SVIL: variants seen among roughly 807,000 people sequenced by gnomAD.
The protein encoded by SVIL is archvillin.
Under a neutral mutation model 240.4 loss-of-function variants are expected in SVIL, and 101 were observed. The observed-to-expected ratio is 0.42, with a 90% CI of 0.36 to 0.50. The LOEUF (loss-of-function observed/expected upper bound fraction) is 0.50, where lower values mean the gene tolerates loss of function less well. Ranked by LOEUF, SVIL falls within the 20% of genes least tolerant of loss-of-function variation. The pLI is 0.01. For synonymous variants in SVIL, 999 were observed against 1,100.0 expected, an observed-to-expected ratio of 0.91 and a Z score of 1.82; for missense variants, 2,512 against 2,818.7, an observed-to-expected ratio of 0.89 and a Z score of 2.46.
At chr10:29,551,289 G>A in intron 5 of SVIL, 26 bp from the exon 6 acceptor site, 1 of 1,547,752 alleles carries the variant, frequency 6.5e-7, no homozygotes. Context: ...ATGGATGAGA[G>A]GTGCAGATTT....
At chr10:29,577,500 A>C (rs1255748178) in intron 1 of SVIL, among the ~76,000 whole-genome samples, 1 of 152,324 alleles carries the variant, frequency 6.6e-6, no homozygotes, top group East Asian at 1.9e-4. Flanking sequence ...AGGTTCTTGC[A>C]ACAGACATTA....
chr10:29,501,255 C>T (rs554430858), intron 17 of SVIL, among the ~76,000 whole-genome samples: 47 of 151,028 alleles, frequency 3.1e-4, no homozygotes, highest in Non-Finnish European at 5.8e-4. Flanking sequence ...TTAAGATGGA[C>T]GTGGATCAGA....
At chr10:29,620,308 G>T (rs896418604) in intron 1 of SVIL, among the ~76,000 whole-genome samples, 5 of 151,354 alleles carry the variant, frequency 3.3e-5, no homozygotes, top group Non-Finnish European at 2.9e-5. Context: ...AGAAGGAAAA[G>T]GAAGGAAAAG....
chr10:29,484,679 T>G lies in SVIL; in HGVS notation c.4932A>C (p.Gly1644=). The G allele has an allele frequency of 6.2e-7, 1 of 1,613,514 alleles. No individual in the cohort carries two copies. Among genetic ancestry groups the G allele is most frequent in the Non-Finnish European group, 8.5e-7 (1 of 1,179,758 alleles). The change falls in exon 27 of 38, where the codon GGA becomes GGC. Residue 1644 remains glycine, a synonymous_variant. Transcript: ENST00000355867. The surrounding 1 kb of genome is among the most constrained non-coding windows in gnomAD (Gnocchi z 4.7). The part of the protein sequence containing the change: ...ENCDINPLDP[G]ECNPLIPRKG... ...ACCTGGGGATAAGCGGATTGCATTC[T>G]CCAGGATCCAGGGGATTGATGTCAC...
chr10:29,493,324 A>T lies in SVIL; in HGVS notation c.3909T>A (p.Asp1303Glu). 6.2e-7 allele frequency: 1 copy of T among 1,614,168 alleles called. No homozygotes were observed. The highest frequency in any genetic ancestry group is 1.3e-5 in the African/African-American group (1 of 75,040). Residue 1303 changes from aspartate to glutamate, a missense_variant, in exon 21 of 38, where the codon GAT becomes GAA. Asp to Glu is a conservative substitution (Grantham distance 45). Transcript: ENST00000355867. ...AAAATTTGGCAAAGGTTTCATCATCATCTGGCTTCATCACCTCCTTCACAG... is the reference window on the plus strand; with the variant it reads ...AAAATTTGGCAAAGGTTTCATCATCTTCTGGCTTCATCACCTCCTTCACAG... Reference protein sequence around the residue: ...GKSVKEVMKPDDDETFAKFYR... With the variant: ...GKSVKEVMKPEDDETFAKFYR...
At chr10:29,648,315 A>G (rs962228576) in intron 3 of SVIL, among the ~76,000 whole-genome samples, 31 of 152,210 alleles carry the variant, frequency 2.0e-4, no homozygotes, top group African/African-American at 6.5e-4. Flanking sequence ...GAGGTTTGTG[A>G]CACAGCACAC....
chr10:29,510,051 C>T lies in SVIL; in HGVS notation c.3516+2684G>A, dbSNP rs536876876. On this transcript the variant is annotated intron_variant, in intron 17 of 37. Transcript: ENST00000355867. ...CCAAGTAGCTGGGATCACAGTCGTG[C>T]GCTACCACACCCAGTTAATTTTTGT... Among the ~76,000 whole-genome samples, 259 of 152,288 alleles carry T rather than the reference C, an allele frequency of 1.7e-3. 12 individuals carry two copies. The South Asian group carries it at 0.052, about 30-fold the overall frequency.
At chr10:29,704,023 G>A (rs1051067123) in intron 1 of SVIL, among the ~76,000 whole-genome samples, 21 of 152,196 alleles carry the variant, frequency 1.4e-4, no homozygotes, top group African/African-American at 3.9e-4. Flanking sequence ...GGCTGATCTC[G>A]AATTCCGGGC....
intron 13 of SVIL, 34 bp from the exon 14 acceptor site, chr10:29,524,749 C>T (rs753978676): frequency 1.6e-5 from 25 of 1,607,040 alleles, no homozygotes; most frequent in Admixed American, 3.4e-5. Context: ...ACACATATAC[C>T]AACAAACAAA....
intron 17 of SVIL, among the ~76,000 whole-genome samples, chr10:29,504,507 AC>A (rs1397664915): frequency 6.6e-6 from 1 of 152,238 alleles, no homozygotes; most frequent in East Asian, 1.9e-4. Flanking sequence ...AAAATGAACA[AC>A]CAGATTAACA....
At chr10:29,572,763 CAAAAA>C (rs375180538) in intron 1 of SVIL, among the ~76,000 whole-genome samples, 1 of 81,330 alleles carries the variant, frequency 1.2e-5, no homozygotes, top group Non-Finnish European at 2.3e-5. Flanking sequence ...GATCCTATCT[CAAAAA>C]AAAAAAAAAA....
chr10:29,685,242 G>C (rs1477385375), intron 2 of SVIL, among the ~76,000 whole-genome samples: 1 of 152,186 alleles, frequency 6.6e-6, no homozygotes, highest in Non-Finnish European at 1.5e-5. Flanking sequence ...TGCTGCAAAG[G>C]ACATGATCTC....
chr10:29,519,962 G>A (rs574245238), intron 16 of SVIL, among the ~76,000 whole-genome samples: 2 of 144,396 alleles, frequency 1.4e-5, no homozygotes, highest in South Asian at 4.4e-4. Context: ...AAGCTAAGAA[G>A]CTACGTCTTT....
chr10:29,483,117 C>T (rs1947060818), intron 27 of SVIL: 1 of 152,248 alleles, frequency 6.6e-6, no homozygotes, highest in Non-Finnish European at 1.5e-5. Flanking sequence ...AGGCTGTGGT[C>T]TTTATCAGAA....
intron 1 of SVIL, among the ~76,000 whole-genome samples, chr10:29,571,095 C>T (rs1286236038): frequency 6.6e-6 from 1 of 152,244 alleles, no homozygotes. Context: ...CAACCACCTT[C>T]GTCTGGTCTA....
chr10:29,500,349 G>A (rs567622162), intron 17 of SVIL, among the ~76,000 whole-genome samples: 8 of 152,120 alleles, frequency 5.3e-5, no homozygotes, highest in South Asian at 2.1e-4. Flanking sequence ...GGTGGGGAGC[G>A]GGGGAGAAGC....
chr10:29,645,952 C>G (rs1958640417), intron 3 of SVIL, among the ~76,000 whole-genome samples: 1 of 152,172 alleles, frequency 6.6e-6, no homozygotes, highest in Non-Finnish European at 1.5e-5. Flanking sequence ...AGGAGTTCTT[C>G]CAGGTACTCC....
At chr10:29,503,316 G>A (rs1042720605) in intron 17 of SVIL, among the ~76,000 whole-genome samples, 2 of 152,190 alleles carry the variant, frequency 1.3e-5, no homozygotes, top group African/African-American at 4.8e-5. Flanking sequence ...GTGTTTTCCA[G>A]TCCTGTCACC....
chr10:29,495,748 A>C (rs1948394075), intron 18 of SVIL, among the ~76,000 whole-genome samples: 1 of 152,228 alleles, frequency 6.6e-6, no homozygotes. Flanking sequence ...TGTGGGCAGA[A>C]ACAGGAAATG....
Sources: gnomAD v4.1 joint callset for allele counts (sites outside exome capture counted in the v4.1 genomes callset) on GRCh38, gnomAD v4.1.1 for gene constraint, Gnocchi (gnomAD v3.1) non-coding constraint, MANE v1.5 for transcripts, NCBI Gene and HGNC (gene_info 2026-07-23, HGNC 2026-07-21) for gene names.